IGF2R: variants seen among roughly 807,000 people sequenced by gnomAD.
IGF2R encodes cation-independent mannose-6-phosphate receptor.
In IGF2R, 91 loss-of-function variants were observed where a neutral mutation model predicts 270.6. The ratio of observed to expected loss-of-function variants is 0.34; its 90% CI spans 0.28 to 0.40. The LOEUF (loss-of-function observed/expected upper bound fraction) is 0.40, where lower values mean the gene tolerates loss of function less well. Among genes scored for constraint, IGF2R ranks in the 10% least tolerant of loss-of-function variants. IGF2R has a pLI of 1.00. For missense variants in IGF2R, 2,805 were observed against 3,188.3 expected, an observed-to-expected ratio of 0.88 and a Z score of 2.90; for synonymous variants, 1,316 against 1,258.9, an observed-to-expected ratio of 1.05 and a Z score of -0.96.
chr6:160,061,774 T>C lies in IGF2R; in HGVS notation c.3428T>C (p.Leu1143Ser), dbSNP rs1778444499. The change falls in exon 25 of 48, where the codon TTA (leucine) becomes TCA (serine). Residue 1143 changes from leucine to serine, a missense_variant. By Grantham distance (145) the Leu-to-Ser change is moderately radical. Transcript: ENST00000356956. Reference protein sequence around the residue: ...GCQGSAVGSCLVSEGNSWNLG... With the variant: ...GCQGSAVGSCSVSEGNSWNLG... The stretch of plus-strand genomic sequence containing the variant: ...CCAGGCAGCGCAGTGGGGTCTTGCT[T>C]AGTGTCAGAAGGCAATAGCTGGAAT... 1 of 1,614,146 alleles carries C rather than the reference T, an allele frequency of 6.2e-7. No homozygotes were observed. Among genetic ancestry groups the C allele is most frequent in the African/African-American group, 1.3e-5 (1 of 75,016 alleles).
intron 39 of IGF2R, among the ~76,000 whole-genome samples, chr6:160,080,725 C>CAGTG (rs1156475340): frequency 1.3e-5 from 2 of 151,356 alleles, no homozygotes; most frequent in African/African-American, 4.9e-5. Context: ...GAGCCACACT[C>CAGTG]AGTGCCTTGC....
intron 44 of IGF2R, among the ~76,000 whole-genome samples, chr6:160,091,164 G>A (rs1296227611): frequency 3.2e-4 from 37 of 114,124 alleles, no homozygotes; most frequent in African/African-American, 1.1e-3. Context: ...GCACATCGCC[G>A]AGAAGGAGCA....
intron 22 of IGF2R, 31 bp downstream of exon 22, chr6:160,059,129 A>G (rs1325004414): frequency 1.3e-6 from 2 of 1,591,820 alleles, no homozygotes; most frequent in East Asian, 2.2e-5. Flanking sequence ...TTTTGTAGCT[A>G]AAAAGGGCCC....
rs1301169533 is a variant in IGF2R, at chr6:160,105,008, C to T, written c.7400C>T (p.Ala2467Val). The T allele has an allele frequency of 4.3e-6, 7 of 1,613,660 alleles. No homozygotes were observed. The highest frequency in any genetic ancestry group is 5.9e-6 in the Non-Finnish European group (7 of 1,179,838). Reference protein sequence around the residue: ...EKARKGKSSSAQQKTVSSTKL... With the variant: ...EKARKGKSSSVQQKTVSSTKL... ...GCGAGGAAAGGGAAGTCCAGCTCTG[C>T]ACAGCAGAAGACAGTGAGCTCCACC... The change falls in exon 48 of 48, where the codon GCA (alanine) becomes GTA (valine). Residue 2467 changes from alanine to valine, a missense_variant. Ala to Val is a moderately conservative substitution (Grantham distance 64). Coordinates refer to ENST00000356956, the MANE Select transcript of IGF2R (RefSeq NM_000876.4).
intron 11 of IGF2R, among the ~76,000 whole-genome samples, chr6:160,041,777 C>T (rs1056639323): frequency 6.6e-6 from 1 of 152,148 alleles, no homozygotes; most frequent in Non-Finnish European, 1.5e-5. Flanking sequence ...GTTAAACACC[C>T]TGTGTGCTGC....
At chr6:159,979,334 G>C (rs1000712385) in intron 1 of IGF2R, among the ~76,000 whole-genome samples, 1 of 152,206 alleles carries the variant, frequency 6.6e-6, no homozygotes, top group African/African-American at 2.4e-5. Flanking sequence ...CAGAATAGAA[G>C]TGCTAAAGTA....
chr6:160,072,167 G>GT, intron 32 of IGF2R, 131 bp downstream of exon 32: 1 of 1,118,790 alleles, frequency 8.9e-7, no homozygotes, highest in Non-Finnish European at 1.3e-6. Flanking sequence ...GTGTCATGGT[G>GT]TGTGGGTGTG....
chr6:160,102,222 C>T lies in IGF2R; in HGVS notation c.6843-297C>T, dbSNP rs937102762. On this transcript the variant is annotated intron_variant, in intron 45 of 47. Coordinates refer to ENST00000356956, the MANE Select transcript of IGF2R (RefSeq NM_000876.4). This position sits in a 1 kb window ranked among gnomAD's most constrained non-coding sequence, Gnocchi z 4.5. ...CGTGGATTGGGCCACCTAGAGGGGG[C>T]CGCGTCCCTCCTGCCTGTCTCCTCT... Among the ~76,000 whole-genome samples, 1 of 152,204 alleles carries T rather than the reference C, an allele frequency of 6.6e-6. No individual in the cohort carries two copies. Among genetic ancestry groups the T allele is most frequent in the Non-Finnish European group, 1.5e-5 (1 of 68,030 alleles).
At position 160,032,568 on chromosome 6, in the gene IGF2R, C is replaced by CA; in HGVS notation, c.901dup (p.Thr301AsnfsTer3). 6.2e-7 allele frequency: 1 copy of CA among 1,613,992 alleles called. No individual in the cohort carries two copies. Among genetic ancestry groups the CA allele is most frequent in the Non-Finnish European group, 8.5e-7 (1 of 1,179,952 alleles). Reference sequence around the variant, plus strand: ...CCTGATAGGGCACCATTCCCAAACTCACAGCTAAATCCAACTGCCGCTATG... The same window carrying CA: ...CCTGATAGGGCACCATTCCCAAACTCAACAGCTAAATCCAACTGCCGCTATG... On this transcript the variant is annotated frameshift_variant, in exon 8 of 48. Coordinates refer to ENST00000356956, the MANE Select transcript of IGF2R (RefSeq NM_000876.4). LOFTEE classifies it high-confidence loss of function.
At chr6:160,060,945 A>G (rs773748537) in intron 23 of IGF2R, among the ~76,000 whole-genome samples, 1 of 152,234 alleles carries the variant, frequency 6.6e-6, no homozygotes, top group South Asian at 2.1e-4. Context: ...GTTTTAAGCT[A>G]TCTTTTGGGA....
intron 2 of IGF2R, among the ~76,000 whole-genome samples, chr6:160,001,391 C>T (rs532099275): frequency 2.0e-5 from 3 of 152,000 alleles, no homozygotes; most frequent in Admixed American, 6.6e-5. Context: ...AAAACAAGCT[C>T]GGGGCTTCCA....
At chr6:160,037,935 G>C in intron 10 of IGF2R, among the ~76,000 whole-genome samples, 1 of 152,116 alleles carries the variant, frequency 6.6e-6, no homozygotes, top group East Asian at 1.9e-4. Flanking sequence ...TTTTTTTCCA[G>C]GCCAGAAATA....
Position 160,069,995 on chromosome 6 carries a change from A to G in IGF2R, c.4380A>G (p.Leu1460=). Residue 1460 remains leucine (L), a synonymous_variant, in exon 31 of 48, where the codon TTA becomes TTG. Transcript: ENST00000356956. ...IIVLKYVDGD[L]CPDGIRKKST... ...TCCTGAAATACGTTGATGGCGACTT[A>G]TGTCCAGATGGGATTCGGAAAAAGT... 1 of 1,614,256 alleles carries G rather than the reference A, an allele frequency of 6.2e-7. No homozygotes were observed. The highest frequency in any genetic ancestry group is 8.5e-7 in the Non-Finnish European group (1 of 1,180,048).
chr6:160,064,372 AC>A lies in IGF2R; in HGVS notation c.3887-27del, dbSNP rs761136479. ...TTGACAGCCTAGGGACCCGAACCAA[AC>A]CTTGTTTAATGTTCTCCTTCTTTAC... is the stretch of plus-strand genomic sequence containing the variant. On this transcript the variant is annotated intron_variant, in intron 27 of 47. Coordinates refer to ENST00000356956, the MANE Select transcript of IGF2R (RefSeq NM_000876.4). The A allele has an allele frequency of 3.7e-6, 6 of 1,614,032 alleles. No individual in the cohort carries two copies. In the Admixed American group the frequency reaches 1.0e-4, roughly 27 times the overall value.
chr6:160,041,080 T>G (rs1462780663), intron 11 of IGF2R, among the ~76,000 whole-genome samples: 1 of 152,172 alleles, frequency 6.6e-6, no homozygotes, highest in Admixed American at 6.5e-5. Flanking sequence ...CAGCGTGCAG[T>G]GGGCTTGTAC....
intron 1 of IGF2R, among the ~76,000 whole-genome samples, chr6:159,984,266 A>G (rs1783846991): frequency 6.6e-6 from 1 of 152,248 alleles, no homozygotes; most frequent in African/African-American, 2.4e-5. Context: ...ATTAGGATGA[A>G]GCTGAACAAT....
chr6:160,089,069 T>G, intron 42 of IGF2R, 38 bp from the exon 43 acceptor site: 1 of 1,596,792 alleles, frequency 6.3e-7, no homozygotes, highest in South Asian at 1.1e-5. Context: ...TATGTCTGGC[T>G]GGGGAAGTGA....
At chr6:160,055,867 G>C (rs968005011) in intron 19 of IGF2R, among the ~76,000 whole-genome samples, 2 of 152,166 alleles carry the variant, frequency 1.3e-5, no homozygotes, top group African/African-American at 2.4e-5. Context: ...CTCTTTGGGG[G>C]AGCTTTTTAT....
In IGF2R at chr6:160,104,811, C is replaced by T. The variant is rs773972375; in HGVS notation, c.7203C>T (p.Ser2401=). ...ITTKSVKALS[S]LHGDDQDSED... ...CCAAGTCAGTGAAAGCCCTCAGCTCCCTGCATGGGGATGACCAGGACAGTG... is the reference window on the plus strand; with the variant it reads ...CCAAGTCAGTGAAAGCCCTCAGCTCTCTGCATGGGGATGACCAGGACAGTG... The change falls in exon 48 of 48, where the codon TCC becomes TCT. Residue 2401 remains serine (S), a synonymous_variant. Transcript: ENST00000356956. The T allele has an allele frequency of 1.9e-6, 3 of 1,614,158 alleles. No individual in the cohort carries two copies. Among genetic ancestry groups the T allele is most frequent in the Non-Finnish European group, 2.5e-6 (3 of 1,180,032 alleles).
Sources: allele counts gnomAD v4.1 joint callset (sites outside exome capture counted in the v4.1 genomes callset), GRCh38; gene constraint gnomAD v4.1.1; non-coding constraint Gnocchi (gnomAD v3.1); transcripts MANE v1.5; gene names NCBI Gene and HGNC (gene_info 2026-07-23, HGNC 2026-07-21).